The following INPP4B variants were observed in gnomAD, a reference collection of about 807,000 sequenced individuals.
INPP4B encodes inositol polyphosphate 4-phosphatase type II.
A neutral mutation model predicts 122.5 loss-of-function variants in INPP4B; 55 were observed. The observed-to-expected ratio is 0.45, with a 90% CI of 0.36 to 0.56. The LOEUF is 0.56. Ranked by LOEUF, INPP4B falls within the 20% of genes least tolerant of loss-of-function variation. INPP4B has a pLI of 0.00. For missense variants in INPP4B, 1,000 were observed against 1,097.7 expected (o/e 0.91, Z 1.26); for synonymous variants, 403 against 388.7 (o/e 1.04, Z -0.43).
intron 3 of INPP4B, among the ~76,000 whole-genome samples, chr4:142,447,938 G>A (rs1334954632): frequency 6.6e-6 from 1 of 152,114 alleles, no homozygotes; most frequent in Non-Finnish European, 1.5e-5. Context: ...CAAAGAAGTG[G>A]AAGGTGAAAA....
intron 7 of INPP4B, among the ~76,000 whole-genome samples, chr4:142,395,181 A>T (rs1380357637): frequency 6.6e-6 from 1 of 152,228 alleles, no homozygotes; most frequent in Non-Finnish European, 1.5e-5. Flanking sequence ...CATGACAGAA[A>T]GGGAGAAACA....
chr4:142,159,238 G>C (rs1474527122), intron 17 of INPP4B, among the ~76,000 whole-genome samples: 1 of 143,504 alleles, frequency 7.0e-6, no homozygotes, highest in African/African-American at 2.6e-5. Context: ...CAGAGGTTAA[G>C]AGGTGTGTAC....
chr4:142,130,296 C>A (rs1157258892), intron 18 of INPP4B, among the ~76,000 whole-genome samples: 4 of 151,970 alleles, frequency 2.6e-5, no homozygotes, highest in Non-Finnish European at 4.4e-5. Context: ...ATAAACTGAC[C>A]AAAGGGAGAA....
chr4:142,208,799 TCTC>T (rs1208278773), intron 13 of INPP4B, 94 bp downstream of exon 13: 17 of 936,940 alleles, frequency 1.8e-5, no homozygotes, highest in East Asian at 2.9e-5. Context: ...AATCTCCAGT[TCTC>T]CTATCTACAT....
chr4:142,313,538 C>G (rs1766348384), intron 8 of INPP4B, among the ~76,000 whole-genome samples: 1 of 152,290 alleles, frequency 6.6e-6, no homozygotes, highest in African/African-American at 2.4e-5. Context: ...GGAGCCCTCT[C>G]CCCATGAAGT....
At chr4:142,787,935 G>T (rs1775977087) in intron 1 of INPP4B, among the ~76,000 whole-genome samples, 1 of 151,828 alleles carries the variant, frequency 6.6e-6, no homozygotes, top group African/African-American at 2.4e-5. Flanking sequence ...GGTGGAGGGG[G>T]AGAGGGCAGA....
intron 21 of INPP4B, among the ~76,000 whole-genome samples, chr4:142,120,904 G>A (rs544327442): frequency 6.6e-6 from 1 of 152,036 alleles, no homozygotes; most frequent in Non-Finnish European, 1.5e-5. Context: ...ATTCCTTTTG[G>A]AGAGAGGGTG....
intron 7 of INPP4B, among the ~76,000 whole-genome samples, chr4:142,341,517 TC>T (rs1213954012): frequency 6.6e-6 from 1 of 152,018 alleles, no homozygotes; most frequent in African/African-American, 2.4e-5. Flanking sequence ...CTCTCATGAC[TC>T]CCCCGGCAAC....
At chr4:142,061,915 TATATATATATATATATATATATATATC>T (rs1761058714) in intron 25 of INPP4B, among the ~76,000 whole-genome samples, 1 of 15,360 alleles carries the variant, frequency 6.5e-5, no homozygotes, top group Non-Finnish European at 1.3e-4. Flanking sequence ...TATATATATA[TATATATATATATATATATATATATATC>T]TGTAACTTTG....
chr4:142,056,259 A>G (rs1757659262), intron 25 of INPP4B, among the ~76,000 whole-genome samples: 1 of 152,202 alleles, frequency 6.6e-6, no homozygotes, highest in South Asian at 2.1e-4. Flanking sequence ...AACCAAACCA[A>G]GACAGCAAAA....
intron 3 of INPP4B, among the ~76,000 whole-genome samples, chr4:142,455,747 T>C (rs1236940060): frequency 2.6e-5 from 4 of 152,046 alleles, no homozygotes; most frequent in Admixed American, 6.6e-5. Context: ...TTCATAGTGA[T>C]TGTACTAATT....
At chr4:142,578,242 G>A (rs1192614469) in intron 2 of INPP4B, among the ~76,000 whole-genome samples, 1 of 151,910 alleles carries the variant, frequency 6.6e-6, no homozygotes, top group African/African-American at 2.4e-5. Flanking sequence ...TCAACAAGAT[G>A]GATACACACA....
chr4:142,364,245 C>T (rs1195402628), intron 7 of INPP4B, among the ~76,000 whole-genome samples: 1 of 151,858 alleles, frequency 6.6e-6, no homozygotes, highest in Non-Finnish European at 1.5e-5. Context: ...ACAATAGGGT[C>T]CCTCATCTTC....
intron 25 of INPP4B, among the ~76,000 whole-genome samples, chr4:142,052,991 T>C (rs1755500809): frequency 6.6e-6 from 1 of 151,992 alleles, no homozygotes; most frequent in Non-Finnish European, 1.5e-5. Flanking sequence ...CCCAAATCAA[T>C]ATTAAAACAT....
chr4:142,844,635 C>T (rs1247157689), intron 1 of INPP4B, among the ~76,000 whole-genome samples: 1 of 152,200 alleles, frequency 6.6e-6, no homozygotes, highest in Non-Finnish European at 1.5e-5. Context: ...GGAGAGGATG[C>T]ATTTCTGTGC....
chr4:142,101,176 A>G (rs1456024267), intron 23 of INPP4B, among the ~76,000 whole-genome samples: 1 of 152,164 alleles, frequency 6.6e-6, no homozygotes, highest in African/African-American at 2.4e-5. Flanking sequence ...CAGCACATTG[A>G]AATTTGTGGC....
chr4:142,506,054 T>C (rs1823987088), intron 2 of INPP4B, among the ~76,000 whole-genome samples: 1 of 152,176 alleles, frequency 6.6e-6, no homozygotes, highest in Non-Finnish European at 1.5e-5. Context: ...AATATTATCA[T>C]AGTTTAATGA....
At chr4:142,239,989 A>G (rs1858521647) in intron 11 of INPP4B, among the ~76,000 whole-genome samples, 1 of 151,608 alleles carries the variant, frequency 6.6e-6, no homozygotes, top group African/African-American at 2.4e-5. Flanking sequence ...GAAAAACTGT[A>G]TTTTTAATTA....
In INPP4B at chr4:142,501,582, A is replaced by G. The variant is rs188276651; in HGVS notation, c.-190-38856T>C. Among the ~76,000 whole-genome samples, 219 of 152,252 alleles carry G rather than the reference A, an allele frequency of 1.4e-3. 1 individual carries two copies. The highest frequency in any genetic ancestry group is 5.2e-3 in the African/African-American group (216 of 41,582). ...GAAAAAAATAAAAGATTTGAAAAATAAATACAATGTATCTAATATCCAAAT... is the reference window on the plus strand; with the variant it reads ...GAAAAAAATAAAAGATTTGAAAAATGAATACAATGTATCTAATATCCAAAT... On this transcript the variant is annotated intron_variant, in intron 2 of 25. Transcript: ENST00000262992.
Sources: gnomAD v4.1 joint callset for allele counts (sites outside exome capture counted in the v4.1 genomes callset) on GRCh38, gnomAD v4.1.1 for gene constraint, MANE v1.5 for transcripts, NCBI Gene and HGNC (gene_info 2026-07-23, HGNC 2026-07-21) for gene names.